Variants in CNBD2 observed in about 807,000 individuals in gnomAD.
CNBD2 encodes cyclic nucleotide-binding domain-containing protein 2.
Under a neutral mutation model 63.7 loss-of-function variants are expected in CNBD2, and 64 were observed. The observed-to-expected ratio is 1.00, with a 90% CI of 0.82 to 1.24. CNBD2 has a LOEUF of 1.24. Among genes scored for constraint, CNBD2 ranks in the 50% most tolerant of loss-of-function variants. CNBD2 has a pLI of 0.00. For synonymous variants in CNBD2, 229 were observed against 255.4 expected (o/e 0.90, Z 0.99); for missense variants, 691 against 713.5 (o/e 0.97, Z 0.36).
chr20:35,992,539 T>C (rs1361981011), intron 7 of CNBD2, among the ~76,000 whole-genome samples: 1 of 152,176 alleles, frequency 6.6e-6, no homozygotes, highest in Non-Finnish European at 1.5e-5. Context: ...TGAGCCTTCA[T>C]TCTGAGAAAA....
intron 8 of CNBD2, among the ~76,000 whole-genome samples, chr20:35,997,905 T>C (rs1346366697): frequency 6.6e-6 from 1 of 152,230 alleles, no homozygotes; most frequent in East Asian, 1.9e-4. Context: ...TTCAATGTTA[T>C]TCAGTTCAAA....
chr20:35,999,927 C>T (rs2056873870), intron 8 of CNBD2, among the ~76,000 whole-genome samples: 1 of 152,164 alleles, frequency 6.6e-6, no homozygotes, highest in Non-Finnish European at 1.5e-5. Flanking sequence ...AATCCACCTG[C>T]CTCAGCCTCC....
chr20:36,016,477 T>G (rs1007251648), intron 10 of CNBD2, among the ~76,000 whole-genome samples: 1 of 152,134 alleles, frequency 6.6e-6, no homozygotes, highest in Non-Finnish European at 1.5e-5. Context: ...TTCCTGTAAA[T>G]CTAAAACTGT....
intron 8 of CNBD2, among the ~76,000 whole-genome samples, chr20:36,005,416 C>T (rs902918372): frequency 2.0e-5 from 3 of 152,158 alleles, no homozygotes; most frequent in Non-Finnish European, 2.9e-5. Flanking sequence ...TGCTCATGCA[C>T]CTGCCACTCA....
At chr20:35,995,296 G>C (rs1469557880) in intron 8 of CNBD2, 144 bp downstream of exon 8, 7 of 553,716 alleles carry the variant, frequency 1.3e-5, no homozygotes, top group African/African-American at 3.9e-5. Flanking sequence ...TGGAAACCCA[G>C]TCTGCAAGGC....
At chr20:35,963,303 T>C (rs898568438) in intron 2 of CNBD2, among the ~76,000 whole-genome samples, 3 of 150,722 alleles carry the variant, frequency 2.0e-5, no homozygotes, top group African/African-American at 7.3e-5. Context: ...ATCATGCCAC[T>C]GCACTCTGGC....
intron 9 of CNBD2, among the ~76,000 whole-genome samples, chr20:36,010,237 G>A (rs533682240): frequency 2.4e-4 from 36 of 152,102 alleles, no homozygotes; most frequent in African/African-American, 7.7e-4. Context: ...ACTAACAATG[G>A]CACCAGTGTC....
intron 7 of CNBD2, among the ~76,000 whole-genome samples, chr20:35,988,803 C>T (rs1414714245): frequency 6.6e-6 from 1 of 152,130 alleles, no homozygotes; most frequent in Non-Finnish European, 1.5e-5. Flanking sequence ...GGTGCCATCA[C>T]AGCTCTGCCA....
chr20:35,977,682 C>T (rs1258337144), intron 3 of CNBD2, among the ~76,000 whole-genome samples: 1 of 151,900 alleles, frequency 6.6e-6, no homozygotes, highest in Admixed American at 6.6e-5. Context: ...TGTCCCCCTG[C>T]CCCCAACCCA....
At chr20:35,976,045 G>T in intron 3 of CNBD2, 43 bp downstream of exon 3, 1 of 1,551,816 alleles carries the variant, frequency 6.4e-7, no homozygotes, top group Non-Finnish European at 8.9e-7. Flanking sequence ...TTTTCTTTCT[G>T]CACCCTGGCT....
chr20:35,984,240 T>C, intron 5 of CNBD2, 102 bp downstream of exon 5: 1 of 1,252,902 alleles, frequency 8.0e-7, no homozygotes, highest in Non-Finnish European at 1.1e-6. Context: ...CCTAGTACTC[T>C]GTACAAGTCA....
upstream of CNBD2, chr20:35,954,600 G>C (rs1482496304): frequency 1.4e-6 from 2 of 1,396,916 alleles, no homozygotes; most frequent in Non-Finnish European, 1.9e-6. Flanking sequence ...TGCTGCCCTC[G>C]CGGTGCGGGA....
At chr20:36,021,536 G>A (rs2057207686) in intron 10 of CNBD2, among the ~76,000 whole-genome samples, 1 of 152,234 alleles carries the variant, frequency 6.6e-6, no homozygotes, top group Non-Finnish European at 1.5e-5. Context: ...TTGGATCCAG[G>A]ATTAGTCCCA....
At chr20:35,994,954 C>A in intron 7 of CNBD2, 84 bp from the exon 8 acceptor site, 2 of 874,140 alleles carry the variant, frequency 2.3e-6, no homozygotes, top group Non-Finnish European at 3.7e-6. Context: ...GGATAAGATG[C>A]AATTAAGAGA....
At position 36,008,447 on chromosome 20, in the gene CNBD2, T is replaced by A. The variant is rs768109934; in HGVS notation, c.1121T>A (p.Leu374His). 1.9e-6 allele frequency: 3 copies of A among 1,612,582 alleles called. No individual in the cohort carries two copies. The highest frequency in any genetic ancestry group is 2.5e-6 in the Non-Finnish European group (3 of 1,179,622). The change falls in exon 9 of 12, where the codon CTC becomes CAC. Residue 374 changes from leucine to histidine, a missense_variant. Coordinates refer to ENST00000373973, the MANE Select transcript of CNBD2 (RefSeq NM_001365709.1). Reference protein sequence around the residue: ...SRKIRTSGDTLPKMLGPKIQS... With the variant: ...SRKIRTSGDTHPKMLGPKIQS... ...AAGATCAGAACCTCAGGAGACACTCTCCCCAAGATGCTGGGCCCGAAGATC... is the reference window on the plus strand; with the variant it reads ...AAGATCAGAACCTCAGGAGACACTCACCCCAAGATGCTGGGCCCGAAGATC...
chr20:36,002,383 C>T (rs375068525), intron 8 of CNBD2, among the ~76,000 whole-genome samples: 4 of 152,108 alleles, frequency 2.6e-5, no homozygotes, highest in Admixed American at 2.0e-4. Flanking sequence ...AGAGGGAAAC[C>T]GTGGAAAGAG....
At chr20:36,021,553 T>C (rs997760857) in intron 10 of CNBD2, among the ~76,000 whole-genome samples, 1 of 152,230 alleles carries the variant, frequency 6.6e-6, no homozygotes, top group African/African-American at 2.4e-5. Context: ...CCCAACCCCA[T>C]GTGTCCTCCA....
At chr20:35,983,903 A>G in intron 4 of CNBD2, 79 bp from the exon 5 acceptor site, 2 of 1,547,182 alleles carry the variant, frequency 1.3e-6, no homozygotes, top group Non-Finnish European at 1.8e-6. Flanking sequence ...AGCAAAGAGC[A>G]CAACCAGTCC....
chr20:36,025,306 A>G (rs2057270228), intron 11 of CNBD2, among the ~76,000 whole-genome samples: 1 of 149,924 alleles, frequency 6.7e-6, no homozygotes, highest in Admixed American at 6.6e-5. Context: ...CTTTCTGGTT[A>G]TATATTCCTC....
Sources: allele counts gnomAD v4.1 joint callset (sites outside exome capture counted in the v4.1 genomes callset), GRCh38; gene constraint gnomAD v4.1.1; transcripts MANE v1.5; gene names NCBI Gene and HGNC (gene_info 2026-07-23, HGNC 2026-07-21).